ZNF578: variants seen among roughly 807,000 people sequenced by gnomAD.
The protein encoded by ZNF578 is Putative chemokine-related protein B42.
Under a neutral mutation model 8.3 loss-of-function variants are expected in ZNF578, and 8 were observed. The observed-to-expected ratio is 0.96, with a 90% CI of 0.56 to 1.74. The LOEUF is 1.74. Ranked by LOEUF, ZNF578 falls within the 40% of genes most tolerant of loss-of-function variation. The pLI is 0.00. For missense variants in ZNF578, 726 were observed against 707.5 expected, an observed-to-expected ratio of 1.03 and a Z score of -0.30; for synonymous variants, 206 against 232.2, an observed-to-expected ratio of 0.89 and a Z score of 1.03.
intron 2 of ZNF578, among the ~76,000 whole-genome samples, chr19:52,481,517 T>C (rs1015172703): frequency 6.6e-6 from 1 of 152,206 alleles, no homozygotes; most frequent in South Asian, 2.1e-4. Flanking sequence ...AAATTATACA[T>C]ATGAGATTGA....
At chr19:52,474,182 TG>T (rs781147361) in intron 2 of ZNF578, 5 of 302,158 alleles carry the variant, frequency 1.7e-5, no homozygotes, top group East Asian at 8.8e-5. Context: ...AATTAGAAGA[TG>T]GGCAATAAGG....
At chr19:52,459,713 ATGTGTGTG>A (rs1555751309) in intron 2 of ZNF578, among the ~76,000 whole-genome samples, 5 of 18,240 alleles carry the variant, frequency 2.7e-4, no homozygotes, top group African/African-American at 5.7e-4. Flanking sequence ...ATATGTAGAT[ATGTGTGTG>A]TGTGTGTGTG....
intron 3 of ZNF578, among the ~76,000 whole-genome samples, chr19:52,495,773 C>T (rs1410709400): frequency 2.0e-5 from 3 of 151,706 alleles, no homozygotes; most frequent in East Asian, 3.9e-4. Flanking sequence ...ATAATGATGG[C>T]GTCAGAGGCA....
At chr19:52,481,629 T>G (rs1170226081) in intron 2 of ZNF578, among the ~76,000 whole-genome samples, 1 of 152,224 alleles carries the variant, frequency 6.6e-6, no homozygotes, top group Non-Finnish European at 1.5e-5. Flanking sequence ...GGACAGTGAC[T>G]TATGCAGTTG....
At chr19:52,505,718 C>A (rs1339096585) in intron 5 of ZNF578, among the ~76,000 whole-genome samples, 2 of 152,196 alleles carry the variant, frequency 1.3e-5, no homozygotes, top group African/African-American at 4.8e-5. Context: ...GCCACTGCGC[C>A]TGGCCCATTG....
At chr19:52,467,209 C>T (rs1462897058) in intron 2 of ZNF578, among the ~76,000 whole-genome samples, 1 of 152,018 alleles carries the variant, frequency 6.6e-6, no homozygotes, top group Non-Finnish European at 1.5e-5. Flanking sequence ...CGGGGTTTTG[C>T]CATGTTGGCC....
Position 52,512,053 on chromosome 19 carries a change from A to AT in ZNF578, c.1672_1673insT (p.Thr558IlefsTer2). The AT allele has an allele frequency of 6.2e-7, 1 of 1,613,836 alleles. No homozygotes were observed. The highest frequency in any genetic ancestry group is 8.5e-7 in the Non-Finnish European group (1 of 1,179,930). ...GTGCCATTCTTATCTGGCAAACCAT[A>AT]CTAGAATTCATAGCGGAGAGAAACC... On this transcript the variant is annotated frameshift_variant, in exon 6 of 6. Coordinates refer to ENST00000421239, the MANE Select transcript of ZNF578 (RefSeq NM_001099694.2). LOFTEE classifies it low-confidence loss of function (END_TRUNC).
In ZNF578 at chr19:52,504,597, G is replaced by A. The variant is rs2059418796; in HGVS notation, c.64-58G>A. ...CTTATTTTCTCTTTTCTCATTTCCTGTGAAGGTGATAACTCAATCCTCCAT... is the reference window on the plus strand; with the variant it reads ...CTTATTTTCTCTTTTCTCATTTCCTATGAAGGTGATAACTCAATCCTCCAT... On this transcript the variant is annotated intron_variant, in intron 4 of 5. Coordinates refer to ENST00000421239, the MANE Select transcript of ZNF578 (RefSeq NM_001099694.2). 3 of 1,609,430 alleles carry A rather than the reference G, an allele frequency of 1.9e-6. No individual in the cohort carries two copies. In the South Asian group the frequency reaches 3.3e-5, roughly 18 times the overall value.
chr19:52,494,268 C>T (rs1290851055), intron 3 of ZNF578, among the ~76,000 whole-genome samples: 1 of 151,970 alleles, frequency 6.6e-6, no homozygotes, highest in African/African-American at 2.4e-5. Flanking sequence ...AGAGGGATTG[C>T]TTGAGTCCAG....
chr19:52,493,707 A>G (rs1021221813), intron 3 of ZNF578, among the ~76,000 whole-genome samples: 5 of 152,082 alleles, frequency 3.3e-5, no homozygotes, highest in African/African-American at 9.7e-5. Context: ...AGGTTAAATA[A>G]GGACCGGGCG....
chr19:52,483,854 G>A (rs1249573418), intron 2 of ZNF578, among the ~76,000 whole-genome samples: 1 of 152,048 alleles, frequency 6.6e-6, no homozygotes, highest in Non-Finnish European at 1.5e-5. Context: ...ATATGAAGGG[G>A]GTGGCCTGCC....
chr19:52,501,087 C>CTTT (rs2059405440), intron 3 of ZNF578, among the ~76,000 whole-genome samples: 1 of 151,964 alleles, frequency 6.6e-6, no homozygotes, highest in East Asian at 1.9e-4. Context: ...CCATGTTGGC[C>CTTT]AGTCTGGTCT....
chr19:52,475,094 A>G (rs776736133), intron 2 of ZNF578: 13 of 188,764 alleles, frequency 6.9e-5, no homozygotes, highest in Non-Finnish European at 1.3e-4. Context: ...GTGATGTTGT[A>G]CAATGTATGA....
chr19:52,455,193 CTTTTTTTT>C (rs10607252), intron 1 of ZNF578: 3 of 98,396 alleles, frequency 3.0e-5, no homozygotes, highest in Admixed American at 1.1e-4. Context: ...GCCTTTCTAT[CTTTTTTTT>C]TTTTTTTTTT....
In ZNF578 at chr19:52,512,078, C is replaced by T. The variant is rs775474337; in HGVS notation, c.1697C>T (p.Pro566Leu). ...ACTAGAATTCATAGCGGAGAGAAAC[C>T]TTACAAGTGTAATGAGTGTGGTAAG... The part of the protein sequence containing the change: ...NHTRIHSGEK[P>L]YKCNECGKAH... Residue 566 changes from proline to leucine, a missense_variant, in exon 6 of 6, where the codon CCT becomes CTT. Coordinates refer to ENST00000421239, the MANE Select transcript of ZNF578 (RefSeq NM_001099694.2). The T allele has an allele frequency of 8.7e-6, 14 of 1,613,564 alleles. No individual in the cohort carries two copies. The highest frequency in any genetic ancestry group is 1.7e-6 in the Non-Finnish European group (2 of 1,179,948).
chr19:52,473,835 G>T, intron 2 of ZNF578: 1 of 319,158 alleles, frequency 3.1e-6, no homozygotes, highest in South Asian at 7.5e-5. Flanking sequence ...TCTCCTGTAT[G>T]AATTCTCCAA....
In ZNF578 at chr19:52,514,952, C is replaced by T. The variant is rs922689015; in HGVS notation, c.*2798C>T. Among the ~76,000 whole-genome samples, 3 of 145,862 alleles carry T rather than the reference C, an allele frequency of 2.1e-5. No homozygotes were observed. Among genetic ancestry groups the T allele is most frequent in the East Asian group, 2.0e-4 (1 of 4,922 alleles). On this transcript the variant is annotated 3_prime_UTR_variant, in exon 6 of 6. Coordinates refer to ENST00000421239, the MANE Select transcript of ZNF578 (RefSeq NM_001099694.2). ...ATGGGATTACAGGCATGAGCTACCA[C>T]GTCGAGACTCTTTTTTTTTTTTTTT...
At chr19:52,471,644 G>A (rs1766340230) in intron 2 of ZNF578, among the ~76,000 whole-genome samples, 1 of 152,132 alleles carries the variant, frequency 6.6e-6, no homozygotes, top group South Asian at 2.1e-4. Context: ...GTTCTCTGAA[G>A]CTGCATTTGA....
At chr19:52,492,969 C>T (rs1218918297) in intron 3 of ZNF578, 2 of 152,312 alleles carry the variant, frequency 1.3e-5, no homozygotes, top group Non-Finnish European at 2.9e-5. Context: ...CGCTTGTCTT[C>T]ATTCACATAG....
Sources: gnomAD v4.1 joint callset for allele counts (sites outside exome capture counted in the v4.1 genomes callset) on GRCh38, gnomAD v4.1.1 for gene constraint, MANE v1.5 for transcripts, NCBI Gene and HGNC (gene_info 2026-07-23, HGNC 2026-07-21) for gene names.